Variants in GALNTL6 observed in about 807,000 individuals in gnomAD.
The protein encoded by GALNTL6 is polypeptide N-acetylgalactosaminyltransferase like 6.
Under a neutral mutation model 73.7 loss-of-function variants are expected in GALNTL6, and 46 were observed. The observed-to-expected ratio is 0.62, with a 90% CI of 0.49 to 0.80. The LOEUF is 0.80. Ranked by LOEUF, GALNTL6 falls within the 30% of genes least tolerant of loss-of-function variation. The pLI is 0.00. For missense variants in GALNTL6, 604 were observed against 755.0 expected (o/e 0.80, Z 2.34); for synonymous variants, 259 against 263.7 (o/e 0.98, Z 0.17).
chr4:171,852,699 A>T (rs1273531995), intron 2 of GALNTL6, among the ~76,000 whole-genome samples: 1 of 152,138 alleles, frequency 6.6e-6, no homozygotes, highest in Admixed American at 6.5e-5. Flanking sequence ...CCTGTCAGTG[A>T]TATGTTAAAG....
chr4:172,261,593 A>G (rs151282203), intron 3 of GALNTL6, among the ~76,000 whole-genome samples: 337 of 150,684 alleles, frequency 2.2e-3, no homozygotes, highest in Non-Finnish European at 2.2e-3. Context: ...TTTTGTTTCA[A>G]TTTCATTTAG....
intron 7 of GALNTL6, among the ~76,000 whole-genome samples, chr4:172,843,714 G>T (rs1024896719): frequency 6.6e-6 from 1 of 152,180 alleles, no homozygotes; most frequent in African/African-American, 2.4e-5. Flanking sequence ...CAAAAGAAAT[G>T]ACAGATGTCC....
rs1177252438 is a variant in GALNTL6, at chr4:171,942,608, A to G, written c.138+127890A>G. On this transcript the variant is annotated intron_variant, in intron 2 of 12. Transcript: ENST00000506823. ...GAATGGTTATAAGTTAATAAGTGGA[A>G]TGAAGGATAGGATTGTTTGTTTTCT... 3.9e-5 allele frequency among the ~76,000 whole-genome samples: 6 copies of G among 152,196 alleles called. No individual in the cohort carries two copies. In the East Asian group the frequency reaches 1.2e-3, roughly 29 times the overall value.
intron 10 of GALNTL6, among the ~76,000 whole-genome samples, chr4:172,974,558 C>T (rs1448274745): frequency 6.6e-6 from 1 of 152,210 alleles, no homozygotes. Flanking sequence ...GTAGAGGCCA[C>T]ACTGGTGTCA....
chr4:172,881,473 G>A (rs1023702609), intron 7 of GALNTL6, among the ~76,000 whole-genome samples: 1 of 152,092 alleles, frequency 6.6e-6, no homozygotes, highest in Non-Finnish European at 1.5e-5. Flanking sequence ...ACAATTCCTA[G>A]ACTGAAGTAA....
chr4:173,040,020 C>G lies in GALNTL6; in HGVS notation c.1726C>G (p.Leu576Val). 6.8e-6 allele frequency: 11 copies of G among 1,613,480 alleles called. No homozygotes were observed. Among genetic ancestry groups the G allele is most frequent in the Non-Finnish European group, 9.3e-6 (11 of 1,179,360 alleles). ...KKIFMARCDP[L>V]SETQQWIFEH... is the part of the protein sequence containing the mutation. ...GATTTTCATGGCCAGATGTGACCCT[C>G]TCTCTGAGACTCAGCAGTGGATTTT... is the stretch of plus-strand genomic sequence containing the variant. The change falls in exon 13 of 13, where the codon CTC (leucine) becomes GTC (valine). Residue 576 changes from leucine to valine, a missense_variant. By Grantham distance (32) the Leu-to-Val change is conservative. This residue lies in a region of GALNTL6 where 261 missense variants were observed against 296.5 expected (regional missense o/e 0.88). Coordinates refer to ENST00000506823, the MANE Select transcript of GALNTL6 (RefSeq NM_001034845.3).
chr4:171,951,828 A>G (rs971801956), intron 2 of GALNTL6, among the ~76,000 whole-genome samples: 10 of 152,046 alleles, frequency 6.6e-5, no homozygotes, highest in Non-Finnish European at 1.5e-5. Context: ...CTTTAATAAC[A>G]TATCAAAACT....
At chr4:173,014,704 A>T (rs1295974462) in intron 11 of GALNTL6, among the ~76,000 whole-genome samples, 1 of 152,300 alleles carries the variant, frequency 6.6e-6, no homozygotes, top group South Asian at 2.1e-4. Context: ...AAACATCACA[A>T]TCCAGACAGA....
At chr4:171,821,772 A>G (rs572588001) in intron 2 of GALNTL6, among the ~76,000 whole-genome samples, 1 of 152,174 alleles carries the variant, frequency 6.6e-6, no homozygotes, top group Non-Finnish European at 1.5e-5. Context: ...GGCATTGTCA[A>G]GACAGCACAG....
chr4:172,641,854 A>G (rs1212052999), intron 5 of GALNTL6, among the ~76,000 whole-genome samples: 1 of 152,062 alleles, frequency 6.6e-6, no homozygotes, highest in African/African-American at 2.4e-5. Flanking sequence ...GGAAGTGTCC[A>G]GGACTTTATA....
intron 5 of GALNTL6, among the ~76,000 whole-genome samples, chr4:172,675,663 TA>T (rs1336518570): frequency 1.3e-5 from 2 of 152,196 alleles, no homozygotes; most frequent in Admixed American, 1.3e-4. Flanking sequence ...CCAAGGAGAT[TA>T]AATGCATGGC....
At chr4:172,186,317 C>A (rs181887766) in intron 2 of GALNTL6, among the ~76,000 whole-genome samples, 1 of 152,200 alleles carries the variant, frequency 6.6e-6, no homozygotes, top group African/African-American at 2.4e-5. Context: ...GTGGAGAAAT[C>A]GCTGTTGGGG....
intron 10 of GALNTL6, among the ~76,000 whole-genome samples, chr4:172,963,608 TTG>T (rs1331785350): frequency 6.6e-6 from 1 of 152,182 alleles, no homozygotes; most frequent in Non-Finnish European, 1.5e-5. Context: ...TGGCTCCCTG[TTG>T]TCCCACCTGC....
At chr4:172,457,622 A>G (rs1396333210) in intron 5 of GALNTL6, among the ~76,000 whole-genome samples, 1 of 152,134 alleles carries the variant, frequency 6.6e-6, no homozygotes, top group African/African-American at 2.4e-5. Context: ...AGGGCATTAT[A>G]TCATTGTAAA....
intron 3 of GALNTL6, among the ~76,000 whole-genome samples, chr4:172,252,677 G>A (rs559992336): frequency 2.6e-4 from 40 of 152,184 alleles, no homozygotes; most frequent in Admixed American, 1.1e-3. Context: ...CATGGATGGA[G>A]AGCTTTTCAG....
chr4:172,871,877 G>A (rs572565854), intron 7 of GALNTL6, among the ~76,000 whole-genome samples: 4 of 151,938 alleles, frequency 2.6e-5, no homozygotes, highest in South Asian at 2.1e-4. Context: ...TCCTCCTCCC[G>A]GGTTCAAGTG....
chr4:172,421,900 T>C (rs559866764), intron 5 of GALNTL6, among the ~76,000 whole-genome samples: 1 of 151,814 alleles, frequency 6.6e-6, no homozygotes, highest in South Asian at 2.1e-4. Flanking sequence ...AAGGCATTAA[T>C]AATAGAGTGA....
intron 2 of GALNTL6, among the ~76,000 whole-genome samples, chr4:172,176,109 G>T (rs1042775990): frequency 6.6e-6 from 1 of 151,946 alleles, no homozygotes; most frequent in Non-Finnish European, 1.5e-5. Flanking sequence ...GGAGGCCGAG[G>T]TGGGCGGATC....
At chr4:171,857,245 G>A (rs984771626) in intron 2 of GALNTL6, among the ~76,000 whole-genome samples, 1 of 151,698 alleles carries the variant, frequency 6.6e-6, no homozygotes, top group Non-Finnish European at 1.5e-5. Flanking sequence ...GTCTCCCCTT[G>A]CTTTCTCAGT....
Sources: allele counts gnomAD v4.1 joint callset (sites outside exome capture counted in the v4.1 genomes callset), GRCh38; gene constraint gnomAD v4.1.1; regional missense constraint gnomAD v4.1.1; transcripts MANE v1.5; gene names NCBI Gene and HGNC (gene_info 2026-07-23, HGNC 2026-07-21).